Variants in FRAS1 observed in about 807,000 individuals in gnomAD.
FRAS1 encodes extracellular matrix organizing protein FRAS1.
In FRAS1, 290 loss-of-function variants were observed where a neutral mutation model predicts 435.2. That is an observed-to-expected ratio of 0.67 (90% confidence interval 0.61 to 0.73). The LOEUF is 0.73. FRAS1 is among the 30% of genes least tolerant of loss of function. The pLI, the probability that FRAS1 is intolerant of heterozygous loss-of-function variation, is 0.00. For missense variants in FRAS1, 4,860 were observed against 5,001.5 expected, an observed-to-expected ratio of 0.97 and a Z score of 0.85; for synonymous variants, 1,800 against 1,851.0, an observed-to-expected ratio of 0.97 and a Z score of 0.71.
At chr4:78,441,126 A>G in intron 40 of FRAS1, 36 bp from the exon 41 acceptor site, 17 of 1,608,860 alleles carry the variant, frequency 1.1e-5, no homozygotes, top group Non-Finnish European at 1.4e-5. Flanking sequence ...GTTATGTGAA[A>G]TCACCAAGGA....
At chr4:78,503,062 A>G (rs1313388984) in intron 61 of FRAS1, among the ~76,000 whole-genome samples, 2 of 152,184 alleles carry the variant, frequency 1.3e-5, no homozygotes, top group Admixed American at 6.5e-5. Context: ...CCAGGGATGA[A>G]GCCAACATGA....
Position 78,513,404 on chromosome 4 carries a change from G to C in FRAS1, c.10026G>C (p.Ser3342=). ...TTTTTCCCCCTAGAATCCACATTTC[G>C]GTGCAGATCCCACACCAGGATGGAA... The part of the protein sequence containing the change: ...HKEHPNRIHI[S]VQIPHQDGML... The change falls in exon 65 of 74, where the codon TCG becomes TCC. Residue 3342 remains serine, a synonymous_variant. Coordinates refer to ENST00000512123, the MANE Select transcript of FRAS1 (RefSeq NM_025074.7). 6.2e-7 allele frequency: 1 copy of C among 1,613,502 alleles called. No individual in the cohort carries two copies. Among genetic ancestry groups the C allele is most frequent in the Non-Finnish European group, 8.5e-7 (1 of 1,179,680 alleles).
chr4:78,147,939 C>T (rs1720485257), intron 2 of FRAS1, among the ~76,000 whole-genome samples: 1 of 152,068 alleles, frequency 6.6e-6, no homozygotes, highest in African/African-American at 2.4e-5. Flanking sequence ...AATCAAATTG[C>T]TTATTATGAG....
At chr4:78,067,498 A>C (rs1740096217) in intron 2 of FRAS1, among the ~76,000 whole-genome samples, 2 of 152,012 alleles carry the variant, frequency 1.3e-5, no homozygotes, top group South Asian at 4.1e-4. Flanking sequence ...ACTTGAATTT[A>C]TTGGATGACC....
intron 25 of FRAS1, among the ~76,000 whole-genome samples, chr4:78,375,279 T>A (rs1033417513): frequency 6.6e-6 from 1 of 152,204 alleles, no homozygotes; most frequent in African/African-American, 2.4e-5. Flanking sequence ...AGGCACTGTT[T>A]TCGTCATTGC....
chr4:78,100,644 A>G (rs1742075980), intron 2 of FRAS1, among the ~76,000 whole-genome samples: 1 of 152,176 alleles, frequency 6.6e-6, no homozygotes, highest in African/African-American at 2.4e-5. Flanking sequence ...ATCTGTCATG[A>G]TCTTGACATT....
rs190939484 is a variant in FRAS1 at position 78,275,475 on chromosome 4, G to T, written c.982-3180G>T. Among the ~76,000 whole-genome samples, 1,151 of 152,232 alleles carry T rather than the reference G, an allele frequency of 7.6e-3. 10 individuals carry two copies. Among genetic ancestry groups the T allele is most frequent in the African/African-American group, 0.026 (1,099 of 41,512 alleles). On this transcript the variant is annotated intron_variant, in intron 9 of 73. Transcript: ENST00000512123. ...CACCGGTTGTTCCTTTCCATGTTTAGTGCTTCCTTCAGGAGCTCTTTTAGG... is the reference window on the plus strand; with the variant it reads ...CACCGGTTGTTCCTTTCCATGTTTATTGCTTCCTTCAGGAGCTCTTTTAGG...
At chr4:78,093,072 C>A (rs1741614254) in intron 2 of FRAS1, among the ~76,000 whole-genome samples, 1 of 152,190 alleles carries the variant, frequency 6.6e-6, no homozygotes, top group Non-Finnish European at 1.5e-5. Context: ...TTCAAAGTTA[C>A]CTTTTGTTTG....
chr4:78,508,785 A>C lies in FRAS1; in HGVS notation c.9559A>C (p.Lys3187Gln), dbSNP rs759181456. ...HVEEVTKEGV[K>Q]KSPSPGYPLV... ...GGAAGAAGTTACCAAGGAAGGAGTCAAGAAATCCCCCTCCCCAGGCTACCC... is the reference window on the plus strand; with the variant it reads ...GGAAGAAGTTACCAAGGAAGGAGTCCAGAAATCCCCCTCCCCAGGCTACCC... Residue 3187 changes from lysine to glutamine, a missense_variant, in exon 63 of 74, where the codon AAG (lysine) becomes CAG (glutamine). Physicochemically the swap from Lys to Gln is moderately conservative, Grantham distance 53. Transcript: ENST00000512123. 7 of 1,613,674 alleles carry C rather than the reference A, an allele frequency of 4.3e-6. No individual in the cohort carries two copies. Among genetic ancestry groups the C allele is most frequent in the East Asian group, 2.2e-5 (1 of 44,838 alleles).
intron 2 of FRAS1, among the ~76,000 whole-genome samples, chr4:78,090,317 G>C (rs1741449097): frequency 6.6e-6 from 1 of 152,212 alleles, no homozygotes; most frequent in Non-Finnish European, 1.5e-5. Flanking sequence ...ACAGTGTCTA[G>C]CTATATGCTA....
intron 2 of FRAS1, among the ~76,000 whole-genome samples, chr4:78,218,542 T>C (rs1181856501): frequency 1.3e-5 from 2 of 152,212 alleles, no homozygotes; most frequent in Non-Finnish European, 2.9e-5. Flanking sequence ...GATATCTGAT[T>C]GAAACCTAGG....
intron 2 of FRAS1, among the ~76,000 whole-genome samples, chr4:78,225,058 T>C (rs1488472256): frequency 1.3e-5 from 2 of 152,134 alleles, no homozygotes; most frequent in Non-Finnish European, 2.9e-5. Context: ...ATGACCTCTC[T>C]GAGAAACAGG....
rs537009678 is a variant in FRAS1 at position 78,123,157 on chromosome 4, G to A, written c.108+57141G>A. On this transcript the variant is annotated intron_variant, in intron 2 of 73. Coordinates refer to ENST00000512123, the MANE Select transcript of FRAS1 (RefSeq NM_025074.7). Reference sequence around the variant, plus strand: ...CCATGTTCAGTTGATTTTTGTATAAGGTGTAAGGAAAGGGTCCAGTTTGAG... The same window carrying A: ...CCATGTTCAGTTGATTTTTGTATAAAGTGTAAGGAAAGGGTCCAGTTTGAG... Among the ~76,000 whole-genome samples, 3 of 152,292 alleles carry A rather than the reference G, an allele frequency of 2.0e-5. No homozygotes were observed. The South Asian group carries it at 6.2e-4, about 32-fold the overall frequency.
chr4:78,171,244 C>T (rs536906892), intron 2 of FRAS1, among the ~76,000 whole-genome samples: 7 of 152,118 alleles, frequency 4.6e-5, no homozygotes, highest in African/African-American at 9.6e-5. Flanking sequence ...CTGCTTTCCT[C>T]GAGCTCACCC....
chr4:78,489,739 A>G (rs1720284773), intron 59 of FRAS1, among the ~76,000 whole-genome samples: 1 of 151,944 alleles, frequency 6.6e-6, no homozygotes, highest in African/African-American at 2.4e-5. Context: ...TCTTATTACC[A>G]CCTCTTAATC....
At chr4:78,470,332 G>C in intron 51 of FRAS1, among the ~76,000 whole-genome samples, 1 of 152,338 alleles carries the variant, frequency 6.6e-6, no homozygotes, top group East Asian at 1.9e-4. Flanking sequence ...AGTAGGTCAA[G>C]CTAGATAGAA....
chr4:78,115,583 T>A (rs1743104364), intron 2 of FRAS1, among the ~76,000 whole-genome samples: 1 of 152,260 alleles, frequency 6.6e-6, no homozygotes, highest in African/African-American at 2.4e-5. Context: ...CAGGAATTTA[T>A]CCATTTCTTC....
intron 32 of FRAS1, among the ~76,000 whole-genome samples, chr4:78,414,170 A>G (rs1733461794): frequency 6.6e-6 from 1 of 152,256 alleles, no homozygotes; most frequent in South Asian, 2.1e-4. Flanking sequence ...TAAAGAAATC[A>G]TAATTCAGCA....
intron 2 of FRAS1, among the ~76,000 whole-genome samples, chr4:78,131,482 T>G (rs1261669389): frequency 1.3e-5 from 2 of 152,230 alleles, no homozygotes; most frequent in African/African-American, 4.8e-5. Flanking sequence ...GTTTGCTTCT[T>G]TATGATTATA....
Sources: gnomAD v4.1 joint callset for allele counts (sites outside exome capture counted in the v4.1 genomes callset) on GRCh38, gnomAD v4.1.1 for gene constraint, MANE v1.5 for transcripts, NCBI Gene and HGNC (gene_info 2026-07-23, HGNC 2026-07-21) for gene names.